Variants in ZNF487 observed in about 807,000 individuals in gnomAD.
ZNF487 encodes the protein zinc finger protein 487, also known as KRAB domain only 1.
A neutral mutation model predicts 3.0 loss-of-function variants in ZNF487; 4 were observed. The ratio of observed to expected loss-of-function variants is 1.35; its 90% CI spans 0.66 to 3.08. The LOEUF (loss-of-function observed/expected upper bound fraction) is 3.08, where lower values mean the gene tolerates loss of function less well. ZNF487 is among the 30% of genes most tolerant of loss of function. The pLI is 0.01. For missense variants in ZNF487, 146 were observed against 98.7 expected (o/e 1.48, Z -2.03); for synonymous variants, 55 against 34.6 (o/e 1.59, Z -2.06).
chr10:43,501,741 C>CA, the ZNF487 span, among the ~76,000 whole-genome samples: 102 of 139,382 alleles, frequency 7.3e-4, no homozygotes, highest in Non-Finnish European at 1.1e-3. Context: ...GACCCTGTCT[C>CA]AAAAAAAAAC....
At chr10:43,442,708 G>T (rs1465122189) in intron 1 of ZNF487, among the ~76,000 whole-genome samples, 1 of 152,116 alleles carries the variant, frequency 6.6e-6, no homozygotes, top group East Asian at 1.9e-4. Flanking sequence ...CTCCCAAAAT[G>T]CTGGGATTAC....
chr10:43,520,395 A>G, the ZNF487 span, among the ~76,000 whole-genome samples: 1 of 152,208 alleles, frequency 6.6e-6, no homozygotes, highest in Non-Finnish European at 1.5e-5. Flanking sequence ...CAGCTTGATT[A>G]TTGGGTGTAA....
chr10:43,446,784 G>C (rs1453369025), intron 1 of ZNF487, among the ~76,000 whole-genome samples: 2 of 152,202 alleles, frequency 1.3e-5, no homozygotes, highest in Non-Finnish European at 2.9e-5. Flanking sequence ...TCACTTCCTA[G>C]ACCGGGTGGC....
intron 1 of ZNF487, chr10:43,454,747 A>G (rs1325629898): frequency 6.6e-6 from 1 of 152,136 alleles, no homozygotes; most frequent in Non-Finnish European, 1.5e-5. Flanking sequence ...AACAAAATCT[A>G]TCTTATTCGT....
chr10:43,446,747 T>C (rs61859048), intron 1 of ZNF487, among the ~76,000 whole-genome samples: 5,164 of 146,560 alleles, frequency 0.035, 111 homozygotes, highest in South Asian at 0.044. Flanking sequence ...ACATCCCAGA[T>C]GATGGGCGGC....
rs1007311705 is a variant in ZNF487, at chr10:43,483,067, C to T, written c.*1145C>T. On this transcript the variant is annotated 3_prime_UTR_variant, in exon 4 of 4. Coordinates refer to ENST00000437590, the MANE Select transcript of ZNF487 (RefSeq NM_001355444.3). ...TGTCAGAGAGACAACATAGAGGAAA[C>T]CCTTGTCAACATCCTGAAGGCTCAG... 1 of 458,188 alleles carries T rather than the reference C, an allele frequency of 2.2e-6. No homozygotes were observed. Among genetic ancestry groups the T allele is most frequent in the Non-Finnish European group, 4.4e-6 (1 of 227,506 alleles). 28.4% of individuals were successfully genotyped at this position (458,188 alleles called of 1,614,324 possible). A position where few individuals can be genotyped will look rare whatever the true frequency, so the allele number is the denominator to read the frequency against.
Position 43,483,104 on chromosome 10 carries a change from T to C in ZNF487, c.*1182T>C, listed in dbSNP as rs1275931106. Reference sequence around the variant, plus strand: ...TCCTGAAGGCTCAGAAACCTTCACCTTCTTGGACTCGTTCCATAGCAGAAA... The same window carrying C: ...TCCTGAAGGCTCAGAAACCTTCACCCTCTTGGACTCGTTCCATAGCAGAAA... On this transcript the variant is annotated 3_prime_UTR_variant, in exon 4 of 4. Coordinates refer to ENST00000437590, the MANE Select transcript of ZNF487 (RefSeq NM_001355444.3). 6.6e-6 allele frequency: 3 copies of C among 456,728 alleles called. No homozygotes were observed. Among genetic ancestry groups the C allele is most frequent in the South Asian group, 4.6e-5 (3 of 64,588 alleles). The allele number at this position is 456,728 out of a possible 1,614,324, so 28.3% of individuals were successfully genotyped here.
chr10:43,504,213 T>C, the ZNF487 span, among the ~76,000 whole-genome samples: 1 of 152,272 alleles, frequency 6.6e-6, no homozygotes, highest in South Asian at 2.1e-4. Context: ...TTTTGTTTTG[T>C]ATATGTCTTA....
intron 1 of ZNF487, among the ~76,000 whole-genome samples, chr10:43,445,833 G>T (rs1015560472): frequency 1.3e-5 from 2 of 152,116 alleles, no homozygotes; most frequent in South Asian, 2.1e-4. Flanking sequence ...GCGGCCTTCC[G>T]CAGTGTTTGT....
the ZNF487 span, among the ~76,000 whole-genome samples, chr10:43,518,917 G>A: frequency 1.1e-4 from 17 of 152,000 alleles, no homozygotes; most frequent in Non-Finnish European, 2.5e-4. Flanking sequence ...ATTCTTCTTG[G>A]GTTTTAATTC....
At chr10:43,484,425 G>A (rs906362884), downstream of ZNF487, among the ~76,000 whole-genome samples, 19 of 151,706 alleles carry the variant, frequency 1.3e-4, no homozygotes, top group Admixed American at 2.6e-4. Context: ...TGGCCAACAT[G>A]GGGAAACCCT....
At chr10:43,469,792 A>G (rs551851792) in intron 1 of ZNF487, among the ~76,000 whole-genome samples, 2 of 152,176 alleles carry the variant, frequency 1.3e-5, no homozygotes, top group Admixed American at 1.3e-4. Context: ...CTACCAAAAA[A>G]TAGAAAAATT....
At chr10:43,520,617 G>A in the ZNF487 span, among the ~76,000 whole-genome samples, 1 of 152,306 alleles carries the variant, frequency 6.6e-6, no homozygotes, top group Non-Finnish European at 1.5e-5. Context: ...CAGTTAGAAA[G>A]AAATATTTGT....
At chr10:43,508,340 AAAT>A in the ZNF487 span, among the ~76,000 whole-genome samples, 1 of 152,234 alleles carries the variant, frequency 6.6e-6, no homozygotes, top group African/African-American at 2.4e-5. Flanking sequence ...AATAGAGACT[AAAT>A]AAGTATGCCT....
chr10:43,501,481 T>A, the ZNF487 span, among the ~76,000 whole-genome samples: 1 of 152,242 alleles, frequency 6.6e-6, no homozygotes, highest in African/African-American at 2.4e-5. Flanking sequence ...GGCTTATGCC[T>A]GTAATCCTAG....
the ZNF487 span, among the ~76,000 whole-genome samples, chr10:43,513,872 A>G: frequency 1.3e-5 from 2 of 152,196 alleles, no homozygotes; most frequent in Non-Finnish European, 2.9e-5. Context: ...GTCCCCTGGA[A>G]TCGTTAGCTC....
chr10:43,444,821 G>A (rs2132040373), intron 1 of ZNF487, among the ~76,000 whole-genome samples: 1 of 152,206 alleles, frequency 6.6e-6, no homozygotes, highest in South Asian at 2.1e-4. Flanking sequence ...TCCTGCCTCG[G>A]CCTCCCAGGC....
At chr10:43,476,869 T>C (rs868435207) in intron 3 of ZNF487, among the ~76,000 whole-genome samples, 2 of 152,218 alleles carry the variant, frequency 1.3e-5, no homozygotes, top group Middle Eastern at 6.8e-3. Flanking sequence ...ATTCGGAAGT[T>C]GTAGCCAAAA....
intron 1 of ZNF487, chr10:43,458,136 GAGAT>G (rs1434910156): frequency 5.9e-5 from 9 of 152,200 alleles, no homozygotes; most frequent in African/African-American, 2.2e-4. Flanking sequence ...CAAAATATCT[GAGAT>G]AGGCCTCAGT....
Sources: gnomAD v4.1 joint callset for allele counts (sites outside exome capture counted in the v4.1 genomes callset) on GRCh38, gnomAD v4.1.1 for gene constraint, MANE v1.5 for transcripts, NCBI Gene and HGNC (gene_info 2026-07-23, HGNC 2026-07-21) for gene names.